The following C2orf42 variants were observed in gnomAD, a reference collection of about 807,000 sequenced individuals.
C2orf42 encodes the protein uncharacterized protein C2orf42.
A neutral mutation model predicts 58.9 loss-of-function variants in C2orf42; 44 were observed. The ratio of observed to expected loss-of-function variants is 0.75; its 90% confidence interval spans 0.59 to 0.96. The LOEUF (loss-of-function observed/expected upper bound fraction) is 0.96, where lower values mean the gene tolerates loss of function less well. C2orf42 is among the 40% of genes least tolerant of loss of function. The probability of loss-of-function intolerance (pLI) is 0.00; values close to 1 mark genes in which losing one functional copy is unlikely to be tolerated. For missense variants in C2orf42, 630 were observed against 699.2 expected, an observed-to-expected ratio of 0.90 and a Z score of 1.12; for synonymous variants, 239 against 265.4, an observed-to-expected ratio of 0.90 and a Z score of 0.97.
At chr2:70,169,171 T>C (rs966561936) in intron 6 of C2orf42, among the ~76,000 whole-genome samples, 1 of 151,934 alleles carries the variant, frequency 6.6e-6, no homozygotes, top group Non-Finnish European at 1.5e-5. Flanking sequence ...CAGGCTTAGA[T>C]TTTCTCTAAT....
At chr2:70,159,561 C>T (rs939486246) in intron 9 of C2orf42, among the ~76,000 whole-genome samples, 3 of 147,836 alleles carry the variant, frequency 2.0e-5, no homozygotes, top group African/African-American at 7.5e-5. Flanking sequence ...GCACTCTATC[C>T]AGCCTGGTGA....
chr2:70,177,932 T>C (rs1462182648), intron 4 of C2orf42, among the ~76,000 whole-genome samples: 2 of 151,892 alleles, frequency 1.3e-5, no homozygotes, highest in Non-Finnish European at 2.9e-5. Flanking sequence ...CCCAGCTACT[T>C]GGGAGGCTGA....
At chr2:70,179,742 C>T (rs1674428265) in intron 3 of C2orf42, 100 bp from the exon 4 acceptor site, 4 of 470,380 alleles carry the variant, frequency 8.5e-6, no homozygotes, top group Non-Finnish European at 1.5e-5. Flanking sequence ...TAAAAATCCC[C>T]CAAACGAATT....
intron 9 of C2orf42, among the ~76,000 whole-genome samples, chr2:70,153,830 C>T (rs1052020398): frequency 6.7e-6 from 1 of 149,698 alleles, no homozygotes; most frequent in African/African-American, 2.5e-5. Context: ...GAGGCCGAGG[C>T]GGGTGGATCA....
chr2:70,187,305 C>T (rs1675009432), intron 1 of C2orf42, among the ~76,000 whole-genome samples: 1 of 152,172 alleles, frequency 6.6e-6, no homozygotes, highest in African/African-American at 2.4e-5. Flanking sequence ...GGCTGGAGTG[C>T]AATGACGCAA....
intron 6 of C2orf42, among the ~76,000 whole-genome samples, chr2:70,168,931 T>C (rs1274871890): frequency 6.6e-6 from 1 of 151,966 alleles, no homozygotes; most frequent in Non-Finnish European, 1.5e-5. Context: ...GCCAGGCTTG[T>C]CTTGAACTCC....
rs1418065310 is a variant in C2orf42 at position 70,182,762 on chromosome 2, C to A, written c.-108G>T. The stretch of plus-strand genomic sequence containing the variant: ...AGTTTCTAATGATCAGGTGAAAACA[C>A]GATCATTTGCAGACTAATGATAACT... On this transcript the variant is annotated 5_prime_UTR_variant, in exon 2 of 10. Coordinates refer to ENST00000264434, the MANE Select transcript of C2orf42 (RefSeq NM_017880.3). 1 of 152,160 alleles carries A rather than the reference C, an allele frequency of 6.6e-6. No individual in the cohort carries two copies. The highest frequency in any genetic ancestry group is 6.6e-5 in the Admixed American group (1 of 15,254). The allele number at this position is 152,160 out of a possible 1,614,324, so 9.4% of individuals were successfully genotyped here.
At chr2:70,174,731 T>C (rs1674070657) in intron 5 of C2orf42, among the ~76,000 whole-genome samples, 1 of 150,454 alleles carries the variant, frequency 6.6e-6, no homozygotes, top group South Asian at 2.1e-4. Flanking sequence ...AGGAAAATGG[T>C]GCGATCTTGG....
At chr2:70,183,797 T>TCA (rs1674743314) in intron 1 of C2orf42, among the ~76,000 whole-genome samples, 1 of 150,756 alleles carries the variant, frequency 6.6e-6, no homozygotes, top group Non-Finnish European at 1.5e-5. Flanking sequence ...TCCTTCCTAA[T>TCA]AGTAATACAT....
At chr2:70,184,819 A>G (rs1442243098) in intron 1 of C2orf42, among the ~76,000 whole-genome samples, 4 of 149,296 alleles carry the variant, frequency 2.7e-5, no homozygotes, top group African/African-American at 4.9e-5. Flanking sequence ...GGCCGGGCGC[A>G]GTGGCTCATG....
At chr2:70,164,364 G>T (rs576026994) in intron 8 of C2orf42, among the ~76,000 whole-genome samples, 1 of 151,404 alleles carries the variant, frequency 6.6e-6, no homozygotes, top group Non-Finnish European at 1.5e-5. Flanking sequence ...GTCATTTCTC[G>T]GGCAGGCACA....
At chr2:70,161,274 T>G (rs1327179391) in intron 8 of C2orf42, among the ~76,000 whole-genome samples, 1 of 152,138 alleles carries the variant, frequency 6.6e-6, no homozygotes, top group East Asian at 1.9e-4. Context: ...TCAGAGCCTG[T>G]TTTCTCACGG....
intron 3 of C2orf42, among the ~76,000 whole-genome samples, chr2:70,180,453 C>T (rs1324133342): frequency 3.3e-5 from 5 of 151,414 alleles, no homozygotes; most frequent in Admixed American, 6.6e-5. Flanking sequence ...ACTAAAAATA[C>T]AAAAATTGGT....
At chr2:70,165,491 G>C in intron 7 of C2orf42, 37 bp downstream of exon 7, 1 of 1,115,660 alleles carries the variant, frequency 9.0e-7, no homozygotes, top group Non-Finnish European at 1.4e-6. Flanking sequence ...CTCTATGTTC[G>C]AGACATCCAT....
At chr2:70,189,585 C>G (rs1334308102) in intron 1 of C2orf42, among the ~76,000 whole-genome samples, 1 of 150,758 alleles carries the variant, frequency 6.6e-6, no homozygotes, top group African/African-American at 2.4e-5. Flanking sequence ...GGCGAGGTGG[C>G]GGGCGCCTGT....
chr2:70,186,766 T>C (rs577491620), intron 1 of C2orf42, among the ~76,000 whole-genome samples: 1 of 152,220 alleles, frequency 6.6e-6, no homozygotes, highest in African/African-American at 2.4e-5. Flanking sequence ...TGGAATACTA[T>C]GCAGCCATAA....
At chr2:70,156,898 G>T (rs1672712064) in intron 9 of C2orf42, among the ~76,000 whole-genome samples, 1 of 151,108 alleles carries the variant, frequency 6.6e-6, no homozygotes, top group Admixed American at 6.6e-5. Context: ...AAAATTAAAA[G>T]AATAAAAAAC....
In C2orf42 at chr2:70,165,652, G is replaced by T. The variant is rs181152241; in HGVS notation, c.1145-17C>A. Reference sequence around the variant, plus strand: ...CTGGTTTGCCTATGGGAAACAAGAAGAAACAACTCATTTAAAGAAACTCAG... The same window carrying T: ...CTGGTTTGCCTATGGGAAACAAGAATAAACAACTCATTTAAAGAAACTCAG... On this transcript the variant is annotated splice_polypyrimidine_tract_variant and intron_variant, in intron 6 of 9. Transcript: ENST00000264434. The T allele has an allele frequency of 7.2e-7, 1 of 1,384,070 alleles. No homozygotes were observed. Among genetic ancestry groups the T allele is most frequent in the South Asian group, 1.2e-5 (1 of 85,504 alleles). The allele number at this position is 1,384,070 out of a possible 1,614,324, so 85.7% of individuals were successfully genotyped here.
chr2:70,172,720 G>A (rs930061639), intron 5 of C2orf42, among the ~76,000 whole-genome samples: 10 of 152,052 alleles, frequency 6.6e-5, no homozygotes, highest in South Asian at 4.1e-4. Context: ...ATATCTTCAC[G>A]TGTCTGAAGT....
Sources: gnomAD v4.1 joint callset for allele counts (sites outside exome capture counted in the v4.1 genomes callset) on GRCh38, gnomAD v4.1.1 for gene constraint, MANE v1.5 for transcripts, NCBI Gene and HGNC (gene_info 2026-07-23, HGNC 2026-07-21) for gene names.